PIGN: variants seen among roughly 807,000 people sequenced by gnomAD.
PIGN encodes phosphatidylinositol glycan anchor biosynthesis class N.
PIGN carries 117 observed loss-of-function variants against 125.4 expected under a neutral mutation model. The ratio of observed to expected loss-of-function variants is 0.93; its 90% CI spans 0.80 to 1.09. PIGN has a LOEUF of 1.09. Among genes scored for constraint, PIGN ranks in the 50% least tolerant of loss-of-function variants. The pLI, the probability that PIGN is intolerant of heterozygous loss-of-function variation, is 0.00. For missense variants in PIGN, 1,075 were observed against 1,094.9 expected (o/e 0.98, Z 0.26); for synonymous variants, 392 against 377.8 (o/e 1.04, Z -0.44).
chr18:62,084,184 G>T (rs1020128383), intron 27 of PIGN, among the ~76,000 whole-genome samples: 1 of 152,160 alleles, frequency 6.6e-6, no homozygotes, highest in East Asian at 1.9e-4. Context: ...TATGAGAAAA[G>T]ATTATGTTGG....
chr18:62,033,321 A>G (rs915022356), intron 23 of PIGN, among the ~76,000 whole-genome samples: 1 of 152,224 alleles, frequency 6.6e-6, no homozygotes, highest in African/African-American at 2.4e-5. Context: ...GTAAAGTTGG[A>G]TTGAGAGGAA....
rs2030039934 is a variant in PIGN at position 62,020,506 on chromosome 18, A to AT, written c.2143-2766_2143-2765insA. ...GATTAGCAGATAAAGACTTTAAAAC[A>AT]GTTTTTTTTTTTTAATGGACTAAAG... On this transcript the variant is annotated intron_variant, in intron 23 of 24. Coordinates refer to the PIGN transcript ENST00000639600. 2.9e-5 allele frequency among the ~76,000 whole-genome samples: 3 copies of AT among 104,830 alleles called. No homozygotes were observed. In the South Asian group the frequency reaches 1.1e-3, roughly 38 times the overall value. 68.8% of individuals were successfully genotyped at this position (104,830 alleles called of 152,430 possible).
chr18:62,071,882 A>G (rs867309077), intron 30 of PIGN, among the ~76,000 whole-genome samples: 134 of 109,550 alleles, frequency 1.2e-3, no homozygotes, highest in African/African-American at 4.6e-3. Flanking sequence ...ATATATATAT[A>G]TATATATATA....
In PIGN at chr18:62,088,943, T is replaced by C. The variant is rs576870356; in HGVS notation, c.2284-101A>G. 1.2e-4 allele frequency: 82 copies of C among 659,602 alleles called. No homozygotes were observed. In the South Asian group the frequency reaches 1.4e-3, roughly 12 times the overall value. 40.9% of individuals were successfully genotyped at this position (659,602 alleles called of 1,614,324 possible). A position where few individuals can be genotyped will look rare whatever the true frequency, so the allele number is the denominator to read the frequency against. ...GGCTAAGTTACAATGGCTAGAAACA[T>C]GCCCTGTGCTGACAAAAAAATAAAC... On this transcript the variant is annotated intron_variant, in intron 24 of 30. Coordinates refer to ENST00000640252, the MANE Select transcript of PIGN (RefSeq NM_176787.5).
At position 62,054,489 on chromosome 18, in the gene PIGN, ATTTT is replaced by A. The variant is rs367909088; in HGVS notation, c.2673-8514_2673-8511del. Among the ~76,000 whole-genome samples the A allele has an allele frequency of 1.4e-4, 16 of 117,286 alleles. No individual in the cohort carries two copies. The East Asian group carries it at 2.6e-3, about 19-fold the overall frequency. 76.9% of individuals were successfully genotyped at this position (117,286 alleles called of 152,430 possible). ...TCAACAAAATACTTTTTTTTTTCCTATTTTTTTTTTTTTTTTTTTTTAGGCAGGG... is the reference window on the plus strand; with the variant it reads ...TCAACAAAATACTTTTTTTTTTCCTATTTTTTTTTTTTTTTTTAGGCAGGG... On this transcript the variant is annotated intron_variant, in intron 30 of 30. Coordinates refer to ENST00000640252, the MANE Select transcript of PIGN (RefSeq NM_176787.5).
At chr18:62,085,138 C>A (rs2033637031) in intron 26 of PIGN, 71 bp downstream of exon 26, 1 of 853,074 alleles carries the variant, frequency 1.2e-6, no homozygotes, top group Non-Finnish European at 1.9e-6. Context: ...AGGTACAGAA[C>A]AAAAGGTATA....
intron 14 of PIGN, among the ~76,000 whole-genome samples, chr18:62,126,493 C>G (rs957039320): frequency 1.3e-5 from 2 of 152,052 alleles, no homozygotes; most frequent in African/African-American, 4.8e-5. Flanking sequence ...TAATGAAATG[C>G]TTATATGTGC....
intron 14 of PIGN, among the ~76,000 whole-genome samples, chr18:62,131,474 T>C (rs2035735254): frequency 6.6e-6 from 1 of 152,136 alleles, no homozygotes. Flanking sequence ...GGGTGATCCT[T>C]TTATGCCTCT....
chr18:62,107,158 A>T (rs1020252136), intron 17 of PIGN, 73 bp from the exon 18 acceptor site: 2 of 934,744 alleles, frequency 2.1e-6, no homozygotes, highest in Admixed American at 4.1e-5. Context: ...AACTTTGCAC[A>T]AAGCTAAAAC....
chr18:62,085,807 G>T (rs935005480), intron 25 of PIGN, among the ~76,000 whole-genome samples: 1 of 152,146 alleles, frequency 6.6e-6, no homozygotes, highest in Non-Finnish European at 1.5e-5. Context: ...TATTAGTAAA[G>T]CAATAAAACA....
intron 24 of PIGN, 33 bp from the exon 25 acceptor site, chr18:62,088,875 A>T: frequency 8.2e-7 from 1 of 1,221,998 alleles, no homozygotes; most frequent in Non-Finnish European, 1.2e-6. Flanking sequence ...TTAATGCACA[A>T]TAACAGTTGG....
At chr18:62,125,213 TAC>T (rs2035485716) in intron 14 of PIGN, among the ~76,000 whole-genome samples, 1 of 150,330 alleles carries the variant, frequency 6.7e-6, no homozygotes, top group Non-Finnish European at 1.5e-5. Context: ...TATATAAATA[TAC>T]ACGTTTGTAC....
chr18:62,079,730 A>AT (rs1393453257), intron 28 of PIGN, among the ~76,000 whole-genome samples: 7 of 151,580 alleles, frequency 4.6e-5, no homozygotes. Flanking sequence ...AAAAAAAAAA[A>AT]CTCTGGCAGG....
At chr18:62,070,264 C>G in intron 30 of PIGN, 1 of 395,466 alleles carries the variant, frequency 2.5e-6, no homozygotes, top group Non-Finnish European at 4.5e-6. Context: ...TGGCCACTAT[C>G]CGCCTGGACA....
At chr18:62,039,153 T>G (rs544027531), downstream of PIGN, among the ~76,000 whole-genome samples, 1 of 151,992 alleles carries the variant, frequency 6.6e-6, no homozygotes, top group South Asian at 2.1e-4. Context: ...TCTAATGCAT[T>G]TATGTAAAAT....
In PIGN at chr18:62,101,202, T is replaced by C. The variant is rs773187644; in HGVS notation, c.1969-19A>G. The C allele has an allele frequency of 7.1e-6, 10 of 1,407,708 alleles. No individual in the cohort carries two copies. The African/African-American group carries it at 1.4e-4, about 20-fold the overall frequency. 87.2% of individuals were successfully genotyped at this position (1,407,708 alleles called of 1,614,324 possible). ...TCAGCACCTAAAGACAAAGATGAAA[T>C]AGGTTAAAAAAAGAGAAGGTAGTGA... is the stretch of plus-strand genomic sequence containing the variant. On this transcript the variant is annotated intron_variant, in intron 21 of 30. Coordinates refer to ENST00000640252, the MANE Select transcript of PIGN (RefSeq NM_176787.5).
intron 25 of PIGN, among the ~76,000 whole-genome samples, chr18:62,088,057 G>A (rs1011111456): frequency 2.6e-5 from 4 of 152,146 alleles, no homozygotes; most frequent in Admixed American, 6.5e-5. Context: ...GTAAGTACGT[G>A]AGGCAATCGA....
At chr18:62,114,670 G>T in intron 14 of PIGN, 31 bp from the exon 15 acceptor site, 1 of 1,078,974 alleles carries the variant, frequency 9.3e-7, no homozygotes, top group Non-Finnish European at 1.3e-6. Context: ...AGGTTTAAAG[G>T]GTTTCCTCAT....
At chr18:62,184,818 T>A (rs1028358608) in intron 1 of PIGN, 2 of 152,348 alleles carry the variant, frequency 1.3e-5, no homozygotes, top group Middle Eastern at 3.4e-3. Flanking sequence ...ACTTGTCAAA[T>A]GTTCTCAACA....
Sources: allele counts gnomAD v4.1 joint callset (sites outside exome capture counted in the v4.1 genomes callset), GRCh38; gene constraint gnomAD v4.1.1; transcripts MANE v1.5; gene names NCBI Gene and HGNC (gene_info 2026-07-23, HGNC 2026-07-21).